The following DNAH9 variants were observed in gnomAD, a reference collection of about 807,000 sequenced individuals.
DNAH9 encodes the protein DNAH9 variant protein.
In DNAH9, 345 loss-of-function variants were observed where a neutral mutation model predicts 471.6. The ratio of observed to expected loss-of-function variants is 0.73; its 90% CI spans 0.67 to 0.80. DNAH9 has a LOEUF of 0.80. Among genes scored for constraint, DNAH9 ranks in the 30% least tolerant of loss-of-function variants. DNAH9 has a pLI of 0.00. For missense variants in DNAH9, 5,407 were observed against 5,609.2 expected (o/e 0.96, Z 1.15); for synonymous variants, 2,093 against 2,123.6 (o/e 0.99, Z 0.40).
At chr17:11,882,266 A>C (rs1416852219) in intron 55 of DNAH9, among the ~76,000 whole-genome samples, 2 of 152,178 alleles carry the variant, frequency 1.3e-5, no homozygotes, top group Non-Finnish European at 2.9e-5. Context: ...GCACATAAAG[A>C]AAGCCATGGC....
chr17:11,908,418 A>T (rs1467979371), intron 61 of DNAH9, among the ~76,000 whole-genome samples: 1 of 152,218 alleles, frequency 6.6e-6, no homozygotes, highest in Non-Finnish European at 1.5e-5. Context: ...GAGCAGCACA[A>T]AGTCAGACAT....
chr17:11,861,247 A>C (rs1343742550), intron 50 of DNAH9, among the ~76,000 whole-genome samples: 1 of 151,964 alleles, frequency 6.6e-6, no homozygotes, highest in South Asian at 2.1e-4. Flanking sequence ...TCATTGTTCA[A>C]TTCCCACCTA....
chr17:11,752,906 C>T lies in DNAH9; in HGVS notation c.6684C>T (p.Gly2228=), dbSNP rs762538570. 3.6e-5 allele frequency: 58 copies of T among 1,607,360 alleles called. No individual in the cohort carries two copies. Among genetic ancestry groups the T allele is most frequent in the Non-Finnish European group, 4.5e-5 (53 of 1,176,286 alleles). The change falls in exon 33 of 69, where the codon GGC becomes GGT. Residue 2228 remains glycine, a synonymous_variant. Coordinates refer to ENST00000262442, the MANE Select transcript of DNAH9 (RefSeq NM_001372.4). ...GGCCCAAGTGGATTTTACTGGATGG[C>T]GACATAGATCCAATGTGGATTGAAT... ...HDGPKWILLD[G]DIDPMWIESL...
rs1381387211 is a variant in DNAH9 at position 11,942,393 on chromosome 17, T to A, written c.12751T>A (p.Tyr4251Asn). 1 of 1,614,176 alleles carries A rather than the reference T, an allele frequency of 6.2e-7. No individual in the cohort carries two copies. Among genetic ancestry groups the A allele is most frequent in the Admixed American group, 1.7e-5 (1 of 60,016 alleles). The change falls in exon 67 of 69, where the codon TAC becomes AAC. Residue 4251 changes from tyrosine (Y) to asparagine (N), a missense_variant. Coordinates refer to ENST00000262442, the MANE Select transcript of DNAH9 (RefSeq NM_001372.4). Reference sequence around the variant, plus strand: ...GGCCAAAGTGGAGGAGCGCACCCCTTACATTGTAGTTGCCTTCCAGGAGTG... The same window carrying A: ...GGCCAAAGTGGAGGAGCGCACCCCTAACATTGTAGTTGCCTTCCAGGAGTG... ...LMAKVEERTP[Y>N]IVVAFQECGR...
intron 10 of DNAH9, among the ~76,000 whole-genome samples, chr17:11,641,973 A>G (rs909999542): frequency 1.3e-5 from 2 of 152,094 alleles, no homozygotes; most frequent in Admixed American, 1.3e-4. Flanking sequence ...GTACCCCTAC[A>G]TCAGCTGGTA....
Position 11,937,287 on chromosome 17 carries a change from GC to G in DNAH9, c.12490-63del. On this transcript the variant is annotated intron_variant, in intron 65 of 68. Coordinates refer to ENST00000262442, the MANE Select transcript of DNAH9 (RefSeq NM_001372.4). The surrounding 1 kb of genome is among the most constrained non-coding windows in gnomAD (Gnocchi z 4.1). ...CCCATGGACTCCCTGCAGAGGACAA[GC>G]CGGTGTGGGAGATGGGAGGTACGTC... 1 of 1,545,608 alleles carries G rather than the reference GC, an allele frequency of 6.5e-7. No homozygotes were observed. The highest frequency in any genetic ancestry group is 8.8e-7 in the Non-Finnish European group (1 of 1,141,132).
intron 50 of DNAH9, among the ~76,000 whole-genome samples, chr17:11,861,099 A>C (rs796291627): frequency 6.6e-6 from 1 of 151,474 alleles, no homozygotes. Flanking sequence ...ATATGTATAC[A>C]TGTGCCATGC....
chr17:11,731,852 A>G (rs1001794263), intron 28 of DNAH9, among the ~76,000 whole-genome samples: 2 of 152,150 alleles, frequency 1.3e-5, no homozygotes, highest in Non-Finnish European at 2.9e-5. Context: ...TAGTGCCGCA[A>G]TAAACATACA....
chr17:11,680,030 G>A, intron 18 of DNAH9, 51 bp downstream of exon 18: 1 of 1,483,710 alleles, frequency 6.7e-7, no homozygotes. Flanking sequence ...AACATTTTAG[G>A]ATTTCAGAAT....
chr17:11,619,701 G>T lies in DNAH9; in HGVS notation c.1270G>T (p.Glu424Ter). ...NLHTYFKENQ[E>*]VKEWDFQSSL... ...CCACACTTACTTCAAAGAGAACCAG[G>T]AAGTCAAGGAATGGGATTTCCAGTC... The change falls in exon 6 of 69, where the codon GAA (glutamate) becomes TAA (stop). Residue 424 changes from glutamate to a stop codon, truncating the protein, a stop_gained. Coordinates refer to ENST00000262442, the MANE Select transcript of DNAH9 (RefSeq NM_001372.4). LOFTEE classifies it high-confidence loss of function. 6.2e-7 allele frequency: 1 copy of T among 1,614,076 alleles called. No homozygotes were observed. The highest frequency in any genetic ancestry group is 8.5e-7 in the Non-Finnish European group (1 of 1,179,954).
intron 31 of DNAH9, among the ~76,000 whole-genome samples, chr17:11,747,077 C>A (rs1966911675): frequency 6.6e-6 from 1 of 152,164 alleles, no homozygotes; most frequent in Non-Finnish European, 1.5e-5. Context: ...TTATTCAAAG[C>A]AAGAATAGAG....
chr17:11,854,207 C>T lies in DNAH9; in HGVS notation c.9712C>T (p.Leu3238Phe), dbSNP rs746872029. 12 of 1,614,080 alleles carry T rather than the reference C, an allele frequency of 7.4e-6. No homozygotes were observed. The African/African-American group carries it at 8.0e-5, about 11-fold the overall frequency. ...CAAAGAGAACATTCACGAGAACTGC[C>T]TCAAAGCCATCAGGCCGTATCTGCA... ...FNKENIHENCLKAIRPYLQDP... is the reference protein window; with the variant it reads ...FNKENIHENCFKAIRPYLQDP... Residue 3238 changes from leucine to phenylalanine, a missense_variant, in exon 50 of 69, where the codon CTC becomes TTC. Leu to Phe is a conservative substitution (Grantham distance 22). Around this residue, in one of 3 missense-constraint regions of DNAH9, gnomAD observed 4,636 missense variants for 4,900.3 expected, o/e 0.95. Coordinates refer to ENST00000262442, the MANE Select transcript of DNAH9 (RefSeq NM_001372.4).
In DNAH9 at chr17:11,937,313, C is replaced by A. The variant is rs773427909; in HGVS notation, c.12490-39C>A. The A allele has an allele frequency of 9.5e-5, 150 of 1,573,110 alleles. No individual in the cohort carries two copies. Among genetic ancestry groups the A allele is most frequent in the Non-Finnish European group, 1.3e-4 (149 of 1,157,014 alleles). On this transcript the variant is annotated intron_variant, in intron 65 of 68. Coordinates refer to ENST00000262442, the MANE Select transcript of DNAH9 (RefSeq NM_001372.4). This position sits in a 1 kb window ranked among gnomAD's most constrained non-coding sequence, Gnocchi z 4.1. ...CCGGTGTGGGAGATGGGAGGTACGT[C>A]CTGGTTTCTTTTTAAGTGAGCTTGC...
At chr17:11,709,209 C>G (rs1210731655) in intron 26 of DNAH9, among the ~76,000 whole-genome samples, 2 of 152,156 alleles carry the variant, frequency 1.3e-5, no homozygotes, top group Non-Finnish European at 2.9e-5. Flanking sequence ...TTTATGGCCT[C>G]TACTGTGAAA....
chr17:11,900,435 C>T (rs868642191), intron 59 of DNAH9, among the ~76,000 whole-genome samples: 25 of 148,316 alleles, frequency 1.7e-4, no homozygotes, highest in African/African-American at 5.2e-4. Flanking sequence ...GCAGCAATCA[C>T]GCTGCTTCCT....
rs182304929 is a variant in DNAH9 at position 11,806,187 on chromosome 17, A to G, written c.8421-1545A>G. On this transcript the variant is annotated intron_variant, in intron 43 of 68. Transcript: ENST00000262442. ...CTAATTCAACTAACACATCCAGTAT[A>G]TTCAAATCCTCCAATATAGCAGATC... Among the ~76,000 whole-genome samples the G allele has an allele frequency of 1.8e-3, 278 of 152,284 alleles. 1 individual carries two copies. The highest frequency in any genetic ancestry group is 2.7e-3 in the Non-Finnish European group (186 of 68,028).
intron 50 of DNAH9, among the ~76,000 whole-genome samples, chr17:11,867,187 T>C (rs2150982819): frequency 6.6e-6 from 1 of 152,336 alleles, no homozygotes; most frequent in Middle Eastern, 3.4e-3. Context: ...TTTTTTTATA[T>C]GGTGTTTGGC....
intron 34 of DNAH9, 78 bp from the exon 35 acceptor site, chr17:11,757,467 G>A: frequency 7.5e-7 from 1 of 1,326,430 alleles, no homozygotes; most frequent in South Asian, 1.4e-5. Flanking sequence ...TTTCCAAACA[G>A]AGAAAATAAC....
chr17:11,619,062 T>A (rs1250164413), intron 5 of DNAH9, among the ~76,000 whole-genome samples: 1 of 152,264 alleles, frequency 6.6e-6, no homozygotes, highest in Non-Finnish European at 1.5e-5. Context: ...CAGCCCCGAC[T>A]TGCAATGTGG....
Sources: allele counts gnomAD v4.1 joint callset (sites outside exome capture counted in the v4.1 genomes callset), GRCh38; gene constraint gnomAD v4.1.1; regional missense constraint gnomAD v4.1.1; non-coding constraint Gnocchi (gnomAD v3.1); transcripts MANE v1.5; gene names NCBI Gene and HGNC (gene_info 2026-07-23, HGNC 2026-07-21).